ACAP3: variants seen among roughly 807,000 people sequenced by gnomAD.
ACAP3 encodes arf-GAP with coiled-coil, ANK repeat and PH domain-containing protein 3.
ACAP3 carries 56 observed loss-of-function variants against 104.1 expected under a neutral mutation model. The ratio of observed to expected loss-of-function variants is 0.54; its 90% CI spans 0.43 to 0.67. ACAP3 has a LOEUF of 0.67. Among genes scored for constraint, ACAP3 ranks in the 30% least tolerant of loss-of-function variants. ACAP3 has a pLI of 0.00. For missense variants in ACAP3, 1,208 were observed against 1,174.9 expected (o/e 1.03, Z -0.41); for synonymous variants, 628 against 496.2 (o/e 1.27, Z -3.53).
intron 4 of ACAP3, among the ~76,000 whole-genome samples, 182 bp downstream of exon 4, chr1:1,302,740 C>T (rs528251083): frequency 2.0e-5 from 3 of 148,012 alleles, no homozygotes; most frequent in East Asian, 4.0e-4. Context: ...GCCTGGGACA[C>T]GGCAGAGCCC....
chr1:1,294,521 G>T lies in ACAP3; in HGVS notation c.2020C>A (p.Arg674Ser). The change falls in exon 21 of 24, where the codon CGC becomes AGC. Residue 674 changes from arginine to serine, a missense_variant. Transcript: ENST00000354700. ...RELHPGLLAHRAARARDLPAL... is the reference protein window; with the variant it reads ...RELHPGLLAHSAARARDLPAL... ...GGAAGGTCGCGGGCACGCGCTGCGC[G>T]GTGCGCCAAGAGCCCCGGGTGCAGC... is the stretch of plus-strand genomic sequence containing the variant. 1.3e-6 allele frequency: 2 copies of T among 1,502,248 alleles called. No individual in the cohort carries two copies. Among genetic ancestry groups the T allele is most frequent in the South Asian group, 1.3e-5 (1 of 78,986 alleles). 93.1% of individuals were successfully genotyped at this position (1,502,248 alleles called of 1,614,324 possible).
chr1:1,294,078 T>C lies in ACAP3; in HGVS notation c.2249+12A>G. ...TCGGGGCACAGGGCGGGGCGTGGGT[T>C]GCGCGTCTCACCCGGTGCGGCCCAG... On this transcript the variant is annotated intron_variant, in intron 22 of 23. Coordinates refer to ENST00000354700, the MANE Select transcript of ACAP3 (RefSeq NM_030649.3). 2.6e-6 allele frequency: 4 copies of C among 1,556,234 alleles called. No individual in the cohort carries two copies. Among genetic ancestry groups the C allele is most frequent in the Non-Finnish European group, 2.6e-6 (3 of 1,149,714 alleles).
chr1:1,299,155 T>C, intron 10 of ACAP3, 190 bp downstream of exon 10: 1 of 729,624 alleles, frequency 1.4e-6, no homozygotes, highest in African/African-American at 1.8e-5. Context: ...AAGGGACAGC[T>C]GCCGCCAACC....
rs1275670504 is a variant in ACAP3 at position 1,296,635 on chromosome 1, T to C, written c.1129-2A>G. 2 of 1,534,262 alleles carry C rather than the reference T, an allele frequency of 1.3e-6. No individual in the cohort carries two copies. Among genetic ancestry groups the C allele is most frequent in the Non-Finnish European group, 1.7e-6 (2 of 1,144,520 alleles). On this transcript the variant is annotated splice_acceptor_variant, in intron 14 of 23. Coordinates refer to ENST00000354700, the MANE Select transcript of ACAP3 (RefSeq NM_030649.3). LOFTEE classifies it high-confidence loss of function. ...CGGGGATGCTGTGCGGTCCAGCCTCTGGAGGATGGGGTGGAGCTGCTCGGT... is the reference window on the plus strand; with the variant it reads ...CGGGGATGCTGTGCGGTCCAGCCTCCGGAGGATGGGGTGGAGCTGCTCGGT...
chr1:1,302,308 TGAGCCG>T (rs113880200), intron 4 of ACAP3, among the ~76,000 whole-genome samples: 2,787 of 152,212 alleles, frequency 0.018, 90 homozygotes, highest in African/African-American at 0.063. Context: ...CATCACAGCC[TGAGCCG>T]GAGCCCCACT....
rs1452583388 is a variant in ACAP3, at chr1:1,299,827, T to A, written c.738+4A>T. 1.3e-6 allele frequency: 2 copies of A among 1,544,772 alleles called. No individual in the cohort carries two copies. Among genetic ancestry groups the A allele is most frequent in the Non-Finnish European group, 1.7e-6 (2 of 1,143,554 alleles). On this transcript the variant is annotated splice_donor_region_variant and intron_variant, in intron 9 of 23. Transcript: ENST00000354700. ...TGTGCAGGGAGCCGGCTGCGCGGCC[T>A]CACCCGCTGCTGGATGGCGGCGTGC...
At chr1:1,300,233 C>A (rs373468295) in intron 6 of ACAP3, 31 bp from the exon 7 acceptor site, 1 of 1,578,208 alleles carries the variant, frequency 6.3e-7, no homozygotes. Context: ...AGGTGAGCCC[C>A]GGAGGCTGAG....
intron 1 of ACAP3, among the ~76,000 whole-genome samples, chr1:1,306,558 C>T (rs1370269190): frequency 6.6e-6 from 1 of 152,206 alleles, no homozygotes; most frequent in African/African-American, 2.4e-5. Flanking sequence ...GCCTCCCACT[C>T]CAAGGCTCCT....
rs747431881 is a variant in ACAP3 at position 1,307,180 on chromosome 1, G to A, written c.47+589C>T. ...GTCTGTGAACATGTAGTTCACGCAG[G>A]TGTACACGCCTGCACGCCACGAATG... On this transcript the variant is annotated intron_variant, in intron 1 of 23. Coordinates refer to ENST00000354700, the MANE Select transcript of ACAP3 (RefSeq NM_030649.3). 2.8e-5 allele frequency: 36 copies of A among 1,286,578 alleles called. 1 individual carries two copies. In the South Asian group the frequency reaches 4.1e-4, roughly 15 times the overall value. 79.7% of individuals were successfully genotyped at this position (1,286,578 alleles called of 1,614,324 possible).
At position 1,292,538 on chromosome 1, in the gene ACAP3, T is replaced by TG; in HGVS notation, c.*1025dup. 1 of 152,598 alleles carries TG rather than the reference T, an allele frequency of 6.6e-6. No individual in the cohort carries two copies. Among genetic ancestry groups the TG allele is most frequent in the Non-Finnish European group, 1.5e-5 (1 of 68,310 alleles). 9.5% of individuals were successfully genotyped at this position (152,598 alleles called of 1,614,324 possible). A position where few individuals can be genotyped will look rare whatever the true frequency, so the allele number is the denominator to read the frequency against. On this transcript the variant is annotated 3_prime_UTR_variant, in exon 24 of 24. Transcript: ENST00000354700. The stretch of plus-strand genomic sequence containing the variant: ...GGTCACAGGCAGCAGGCAAGAGAGT[T>TG]GGGGGGCCGGGTCCAGCGCCCACTG...
chr1:1,304,287 G>T (rs917933102), intron 1 of ACAP3, 144 bp from the exon 2 acceptor site: 3 of 1,013,882 alleles, frequency 3.0e-6, no homozygotes, highest in Non-Finnish European at 4.4e-6. Flanking sequence ...TGCCTGCTAC[G>T]GGGGCAGGAC....
Position 1,303,460 on chromosome 1 carries a change from C to T in ACAP3, c.106-179G>A. Reference sequence around the variant, plus strand: ...CCTGGGCCTGCCTGGGGCTTGGAGGCCCGTCTGGGAGGGGAGGGTGGGGCC... The same window carrying T: ...CCTGGGCCTGCCTGGGGCTTGGAGGTCCGTCTGGGAGGGGAGGGTGGGGCC... On this transcript the variant is annotated intron_variant, in intron 2 of 23. Transcript: ENST00000354700. The surrounding 1 kb of genome is among the most constrained non-coding windows in gnomAD (Gnocchi z 4.0). 1.3e-6 allele frequency: 1 copy of T among 794,602 alleles called. No homozygotes were observed. Among genetic ancestry groups the T allele is most frequent in the South Asian group, 1.8e-5 (1 of 54,610 alleles). The allele number at this position is 794,602 out of a possible 1,614,324, so 49.2% of individuals were successfully genotyped here. A position where few individuals can be genotyped will look rare whatever the true frequency, so the allele number is the denominator to read the frequency against.
chr1:1,304,555 A>C (rs12410087), intron 1 of ACAP3: 30,235 of 252,790 alleles, frequency 0.12, 2,380 homozygotes, highest in South Asian at 0.22. Context: ...GCACTACTGC[A>C]GCCCATCCAG....
In ACAP3 at chr1:1,300,500, G is replaced by T; in HGVS notation, c.522+9C>A. 6.2e-7 allele frequency: 1 copy of T among 1,603,446 alleles called. No homozygotes were observed. The highest frequency in any genetic ancestry group is 1.1e-5 in the South Asian group (1 of 90,070). ...GGTCCCCGCCCCCCAGCCCATTTCT[G>T]GGGCTGACCTGGAGCACATAGTCCA... On this transcript the variant is annotated intron_variant, in intron 6 of 23. Transcript: ENST00000354700.
Position 1,298,396 on chromosome 1 carries a change from G to A in ACAP3, c.889C>T (p.Gln297Ter), listed in dbSNP as rs1226872934. ...TTGAGCTTCTTCTGGTAGACCAGCT[G>A]GCTGTTCTGAATGGAGAACCAGCGC... ...NRRWFSIQNS[Q>*]LVYQKKLKDA... Residue 297 changes from glutamine to a stop codon, truncating the protein, a stop_gained, in exon 12 of 24, where the codon CAG (glutamine) becomes TAG (stop). Coordinates refer to ENST00000354700, the MANE Select transcript of ACAP3 (RefSeq NM_030649.3). LOFTEE classifies it high-confidence loss of function. 6.2e-7 allele frequency: 1 copy of A among 1,603,040 alleles called. No individual in the cohort carries two copies. Among genetic ancestry groups the A allele is most frequent in the South Asian group, 1.1e-5 (1 of 90,176 alleles).
chr1:1,302,834 C>T lies in ACAP3; in HGVS notation c.279+88G>A, dbSNP rs1022662096. Reference sequence around the variant, plus strand: ...ACTAGAGGAGCAGAAACGTGCCCCCCCCAACCCGACGCCGGCCTTCAGGTG... The same window carrying T: ...ACTAGAGGAGCAGAAACGTGCCCCCTCCAACCCGACGCCGGCCTTCAGGTG... On this transcript the variant is annotated intron_variant, in intron 4 of 23. Transcript: ENST00000354700. The T allele has an allele frequency of 3.2e-5, 27 of 833,538 alleles. 1 individual carries two copies. The highest frequency in any genetic ancestry group is 4.4e-5 in the Non-Finnish European group (25 of 563,608). 51.6% of individuals were successfully genotyped at this position (833,538 alleles called of 1,614,324 possible).
intron 4 of ACAP3, among the ~76,000 whole-genome samples, chr1:1,302,714 G>A (rs902690798): frequency 3.6e-4 from 55 of 151,386 alleles, no homozygotes; most frequent in African/African-American, 1.2e-3. Context: ...CTCCCCCAGG[G>A]TCTAGTGTGG....
chr1:1,300,413 A>T, intron 6 of ACAP3, 96 bp downstream of exon 6: 1 of 1,371,762 alleles, frequency 7.3e-7, no homozygotes, highest in Non-Finnish European at 9.9e-7. Flanking sequence ...AAGAATCGTC[A>T]CTCCTGCTCA....
In ACAP3 at chr1:1,298,292, C is replaced by A. The variant is rs2297233; in HGVS notation, c.915+78G>T. ...CACTAGTGCCCCGGCCCTGTGCTAACCCCAACTGACCAGTCTGCCCTGTGG... is the reference window on the plus strand; with the variant it reads ...CACTAGTGCCCCGGCCCTGTGCTAAACCCAACTGACCAGTCTGCCCTGTGG... On this transcript the variant is annotated intron_variant, in intron 12 of 23. Transcript: ENST00000354700. 67,987 of 1,598,074 alleles carry A rather than the reference C, an allele frequency of 0.043. 10,499 individuals carry two copies. The East Asian group carries it at 0.55, about 13-fold the overall frequency.
Sources: gnomAD v4.1 joint callset for allele counts (sites outside exome capture counted in the v4.1 genomes callset) on GRCh38, gnomAD v4.1.1 for gene constraint, Gnocchi (gnomAD v3.1) non-coding constraint, MANE v1.5 for transcripts, NCBI Gene and HGNC (gene_info 2026-07-23, HGNC 2026-07-21) for gene names.